ST6GALNAC1: variants seen among roughly 807,000 people sequenced by gnomAD.
ST6GALNAC1 encodes ST6 N-acetylgalactosaminide alpha-2,6-sialyltransferase 1, also known as alpha-N-acetylgalactosaminide alpha-2,6-sialyltransferase 1.
In ST6GALNAC1, 45 loss-of-function variants were observed where a neutral mutation model predicts 56.8. That is an observed-to-expected ratio of 0.79 (90% CI 0.62 to 1.02). The LOEUF is 1.02. ST6GALNAC1 is among the 50% of genes least tolerant of loss of function. The probability of loss-of-function intolerance (pLI) is 0.00; values close to 1 mark genes in which losing one functional copy is unlikely to be tolerated. For synonymous variants in ST6GALNAC1, 295 were observed against 297.8 expected, an observed-to-expected ratio of 0.99 and a Z score of 0.10; for missense variants, 743 against 754.8, an observed-to-expected ratio of 0.98 and a Z score of 0.18.
intron 2 of ST6GALNAC1, 40 bp downstream of exon 2, chr17:76,628,972 A>T (rs1311549771): frequency 1.3e-6 from 2 of 1,509,846 alleles, no homozygotes; most frequent in Non-Finnish European, 1.8e-6. Flanking sequence ...GGGGCTTCAG[A>T]GCTGGGAGCC....
chr17:76,627,525 AAG>A lies in ST6GALNAC1; in HGVS notation c.888_889del (p.Phe297SerfsTer17), dbSNP rs1373768074. 9 of 1,614,048 alleles carry A rather than the reference AAG, an allele frequency of 5.6e-6. No individual in the cohort carries two copies. The highest frequency in any genetic ancestry group is 7.6e-6 in the Non-Finnish European group (9 of 1,180,026). ...CAGGAAGAGAGTGAGGTTGGGCAGAAAGAGTTTCTGGAGCCACAGCGACTTGG... is the reference window on the plus strand; with the variant it reads ...CAGGAAGAGAGTGAGGTTGGGCAGAAAGTTTCTGGAGCCACAGCGACTTGG... On this transcript the variant is annotated frameshift_variant, in exon 3 of 9. Coordinates refer to ENST00000156626, the MANE Select transcript of ST6GALNAC1 (RefSeq NM_018414.5). LOFTEE classifies it high-confidence loss of function. The surrounding 1 kb of genome is among the most constrained non-coding windows in gnomAD (Gnocchi z 4.4).
At chr17:76,631,852 G>A (rs185597530) in intron 1 of ST6GALNAC1, among the ~76,000 whole-genome samples, 1 of 152,176 alleles carries the variant, frequency 6.6e-6, no homozygotes, top group East Asian at 1.9e-4. Context: ...GAGAAAGAGG[G>A]GGTTATTGGT....
rs972141810 is a variant in ST6GALNAC1, at chr17:76,629,198, T to C, written c.645A>G (p.Arg215=). Residue 215 remains arginine (R), a synonymous_variant, in exon 2 of 9, where the codon AGA becomes AGG. Coordinates refer to ENST00000156626, the MANE Select transcript of ST6GALNAC1 (RefSeq NM_018414.5). The part of the protein sequence containing the change: ...APTGAVSTRT[R]QKGVTTAVIP... ...TGACTGCTGTGGTCACTCCTTTCTG[T>C]CTCGTCCTTGTTGACACTGCTCCTG... The C allele has an allele frequency of 1.2e-6, 2 of 1,614,152 alleles. No homozygotes were observed. The highest frequency in any genetic ancestry group is 8.5e-7 in the Non-Finnish European group (1 of 1,180,014).
intron 7 of ST6GALNAC1, 43 bp downstream of exon 7, chr17:76,625,963 T>C (rs747548501): frequency 1.2e-6 from 2 of 1,609,432 alleles, no homozygotes; most frequent in Non-Finnish European, 1.7e-6. Flanking sequence ...GCTGCAAGGA[T>C]AACAGGGACC....
At chr17:76,636,348 T>C (rs1238369533) in intron 1 of ST6GALNAC1, among the ~76,000 whole-genome samples, 1 of 152,164 alleles carries the variant, frequency 6.6e-6, no homozygotes, top group African/African-American at 2.4e-5. Flanking sequence ...TACTACTTCT[T>C]ACCATCATTG....
In ST6GALNAC1 at chr17:76,626,345, C is replaced by T; in HGVS notation, c.1359G>A (p.Trp453Ter). ...TCTGATTCATAAGCAGTGCTTCCAG[C>T]CACTCATAGTCCCGGGTGCCTTCCA... ...HFLEGTRDYE[W>*]LEALLMNQTV... is the part of the protein sequence containing the mutation. Residue 453 changes from tryptophan (W) to a stop codon, truncating the protein, a stop_gained, in exon 6 of 9, where the codon TGG becomes TGA. Coordinates refer to ENST00000156626, the MANE Select transcript of ST6GALNAC1 (RefSeq NM_018414.5). LOFTEE classifies it high-confidence loss of function. 6.2e-7 allele frequency: 1 copy of T among 1,614,186 alleles called. No individual in the cohort carries two copies. The highest frequency in any genetic ancestry group is 1.1e-5 in the South Asian group (1 of 91,080).
intron 2 of ST6GALNAC1, 105 bp downstream of exon 2, chr17:76,628,907 T>A (rs2075849834): frequency 1.9e-6 from 2 of 1,069,298 alleles, no homozygotes; most frequent in Non-Finnish European, 2.7e-6. Context: ...CAAGACAAAG[T>A]CTAGAAGCAG....
chr17:76,626,890 T>C (rs1189798039), intron 4 of ST6GALNAC1, 101 bp from the exon 5 acceptor site: 57 of 1,528,742 alleles, frequency 3.7e-5, no homozygotes, highest in Non-Finnish European at 5.0e-5. Context: ...GCAGCAGTTA[T>C]GTGCGGAAAT....
At chr17:76,619,338 A>C in the ST6GALNAC1 span, among the ~76,000 whole-genome samples, 1 of 152,158 alleles carries the variant, frequency 6.6e-6, no homozygotes, top group African/African-American at 2.4e-5. Flanking sequence ...TCACTGACGG[A>C]TCTAGGGAAT....
intron 2 of ST6GALNAC1, among the ~76,000 whole-genome samples, chr17:76,628,390 G>A (rs1017486206): frequency 2.6e-5 from 4 of 151,714 alleles, no homozygotes; most frequent in Middle Eastern, 3.2e-3. Context: ...TGATCCTCCC[G>A]CCTCAGCCTC....
At chr17:76,626,540 C>T in intron 5 of ST6GALNAC1, 111 bp downstream of exon 5, 1 of 1,543,874 alleles carries the variant, frequency 6.5e-7, no homozygotes, top group South Asian at 1.2e-5. Flanking sequence ...GGAGGGGAGC[C>T]TGTACCAACC....
At chr17:76,620,478 CT>C (rs1471034111), downstream of ST6GALNAC1, among the ~76,000 whole-genome samples, 1 of 152,184 alleles carries the variant, frequency 6.6e-6, no homozygotes, top group Non-Finnish European at 1.5e-5. Context: ...GCCACTGCCT[CT>C]GCTGACCCTT....
chr17:76,623,207 C>T (rs1473765351), downstream of ST6GALNAC1, among the ~76,000 whole-genome samples: 1 of 152,208 alleles, frequency 6.6e-6, no homozygotes, highest in East Asian at 1.9e-4. Flanking sequence ...CCTTCTGTTC[C>T]ATTTCACTGG....
At chr17:76,635,638 AAAC>A (rs1156982136) in intron 1 of ST6GALNAC1, among the ~76,000 whole-genome samples, 7 of 152,346 alleles carry the variant, frequency 4.6e-5, no homozygotes, top group South Asian at 2.1e-4. Context: ...CTCTGTCTCA[AAAC>A]AACAACAACA....
intron 1 of ST6GALNAC1, among the ~76,000 whole-genome samples, chr17:76,638,480 G>A (rs980518517): frequency 6.6e-6 from 1 of 151,868 alleles, no homozygotes; most frequent in Admixed American, 6.6e-5. Context: ...GAGTTCAAGC[G>A]ATTCTCCTGT....
At chr17:76,625,754 A>G (rs1252649860) in intron 8 of ST6GALNAC1, 65 bp downstream of exon 8, 13 of 1,369,434 alleles carry the variant, frequency 9.5e-6, no homozygotes, top group African/African-American at 2.9e-5. Flanking sequence ...CCTATGCTGA[A>G]CAGGCCCAGG....
At chr17:76,632,020 C>T (rs1035251337) in intron 1 of ST6GALNAC1, among the ~76,000 whole-genome samples, 13 of 152,118 alleles carry the variant, frequency 8.5e-5, no homozygotes, top group Non-Finnish European at 5.9e-5. Context: ...GTGTGAGGCT[C>T]ACCACTCCCC....
chr17:76,642,817 A>G (rs2076065415), intron 1 of ST6GALNAC1, among the ~76,000 whole-genome samples: 3 of 151,414 alleles, frequency 2.0e-5, no homozygotes, highest in Non-Finnish European at 4.4e-5. Flanking sequence ...CTGTAGTCCC[A>G]GCTACTCAGG....
In ST6GALNAC1 at chr17:76,627,462, A is replaced by G. The variant is rs759601771; in HGVS notation, c.953T>C (p.Leu318Pro). The G allele has an allele frequency of 6.2e-7, 1 of 1,614,208 alleles. No individual in the cohort carries two copies. Among genetic ancestry groups the G allele is most frequent in the South Asian group, 1.1e-5 (1 of 91,088 alleles). Residue 318 changes from leucine (L) to proline (P), a missense_variant, in exon 3 of 9, where the codon CTG (leucine) becomes CCG (proline). Physicochemically the swap from Leu to Pro is moderately conservative, Grantham distance 98 (BLOSUM62 -3). Transcript: ENST00000156626. This position sits in a 1 kb window ranked among gnomAD's most constrained non-coding sequence, Gnocchi z 4.4. ...RHFNQSEWDRLEHFAPPFGFM... is the reference protein window; with the variant it reads ...RHFNQSEWDRPEHFAPPFGFM... Reference sequence around the variant, plus strand: ...GCCAAAGGGTGGTGCAAAGTGTTCCAGGCGGTCCCACTCACTCTGGTTGAA... The same window carrying G: ...GCCAAAGGGTGGTGCAAAGTGTTCCGGGCGGTCCCACTCACTCTGGTTGAA...
Sources: allele counts gnomAD v4.1 joint callset (sites outside exome capture counted in the v4.1 genomes callset), GRCh38; gene constraint gnomAD v4.1.1; non-coding constraint Gnocchi (gnomAD v3.1); transcripts MANE v1.5; gene names NCBI Gene and HGNC (gene_info 2026-07-23, HGNC 2026-07-21).